STAM2: variants seen among roughly 807,000 people sequenced by gnomAD.
STAM2 encodes the protein signal transducing adaptor molecule 2.
In STAM2, 51 loss-of-function variants were observed where a neutral mutation model predicts 65.6. The ratio of observed to expected loss-of-function variants is 0.78; its 90% CI spans 0.62 to 0.98. The LOEUF is 0.98. Ranked by LOEUF, STAM2 falls within the 50% of genes least tolerant of loss-of-function variation. The pLI is 0.00. For missense variants in STAM2, 584 were observed against 617.8 expected, an observed-to-expected ratio of 0.95 and a Z score of 0.58; for synonymous variants, 198 against 208.4, an observed-to-expected ratio of 0.95 and a Z score of 0.43.
chr2:152,173,644 G>T (rs1327491271), intron 1 of STAM2, among the ~76,000 whole-genome samples: 1 of 151,952 alleles, frequency 6.6e-6, no homozygotes, highest in East Asian at 1.9e-4. Context: ...TGATTTACCC[G>T]CCTCGGCCTC....
chr2:152,122,702 T>C (rs1688878702), intron 13 of STAM2, among the ~76,000 whole-genome samples: 1 of 152,098 alleles, frequency 6.6e-6, no homozygotes, highest in African/African-American at 2.4e-5. Flanking sequence ...ACATTTTGTA[T>C]GGTTAAGCAA....
Position 152,135,605 on chromosome 2 carries a change from T to C in STAM2, c.705-2A>G. 1 of 1,592,828 alleles carries C rather than the reference T, an allele frequency of 6.3e-7. No homozygotes were observed. Among genetic ancestry groups the C allele is most frequent in the Non-Finnish European group, 8.6e-7 (1 of 1,165,424 alleles). Reference sequence around the variant, plus strand: ...TCTCCTTTCCACCAATTGGCATCACTAAAAATACAGTGCAAAAAATATCAT... The same window carrying C: ...TCTCCTTTCCACCAATTGGCATCACCAAAAATACAGTGCAAAAAATATCAT... On this transcript the variant is annotated splice_acceptor_variant, in intron 7 of 13. Transcript: ENST00000263904. LOFTEE classifies it high-confidence loss of function.
chr2:152,140,045 T>A (rs536021764), intron 7 of STAM2, among the ~76,000 whole-genome samples: 3 of 152,200 alleles, frequency 2.0e-5, no homozygotes, highest in Non-Finnish European at 4.4e-5. Context: ...ACAGGGGTTC[T>A]GGAACCAACT....
At chr2:152,121,977 G>A (rs1053660698) in intron 13 of STAM2, among the ~76,000 whole-genome samples, 4 of 151,880 alleles carry the variant, frequency 2.6e-5, no homozygotes, top group Non-Finnish European at 5.9e-5. Flanking sequence ...GAACCCGGGA[G>A]GTGGGGCTTG....
chr2:152,144,792 C>T (rs1689308876), intron 6 of STAM2, 96 bp downstream of exon 6: 1 of 993,296 alleles, frequency 1.0e-6, no homozygotes, highest in South Asian at 1.3e-5. Context: ...CCACTTCGGC[C>T]TCCCAAAGTG....
chr2:152,131,040 T>C (rs1266598046), intron 11 of STAM2, among the ~76,000 whole-genome samples: 1 of 148,016 alleles, frequency 6.8e-6, no homozygotes. Context: ...CTATGTAGGA[T>C]AAAATTAAAA....
chr2:152,169,074 CT>C (rs1356245556), intron 1 of STAM2, among the ~76,000 whole-genome samples: 1 of 151,886 alleles, frequency 6.6e-6, no homozygotes, highest in Non-Finnish European at 1.5e-5. Flanking sequence ...TGAAGCCTTT[CT>C]TAAGAAAAAT....
chr2:152,160,540 C>T (rs1469231814), intron 1 of STAM2, among the ~76,000 whole-genome samples: 3 of 151,920 alleles, frequency 2.0e-5, no homozygotes, highest in Non-Finnish European at 4.4e-5. Flanking sequence ...CGGCAGCCAC[C>T]GCGTCCGGGA....
chr2:152,127,664 A>G (rs560205677), intron 11 of STAM2, among the ~76,000 whole-genome samples: 229 of 152,182 alleles, frequency 1.5e-3, no homozygotes, highest in Non-Finnish European at 2.7e-3. Context: ...TGTAAGTAAG[A>G]CTAATCTCTA....
chr2:152,134,576 G>T (rs1443073363), intron 8 of STAM2, among the ~76,000 whole-genome samples: 2 of 152,098 alleles, frequency 1.3e-5, no homozygotes, highest in African/African-American at 2.4e-5. Context: ...TCCTGAACTG[G>T]CAAGGACTAG....
intron 2 of STAM2, among the ~76,000 whole-genome samples, chr2:152,149,884 AT>A (rs1001664081): frequency 5.3e-5 from 8 of 152,324 alleles, no homozygotes; most frequent in South Asian, 2.1e-4. Context: ...AATATACTGT[AT>A]TCTTACAATA....
At chr2:152,132,050 G>T in intron 11 of STAM2, 64 bp downstream of exon 11, 1 of 1,231,318 alleles carries the variant, frequency 8.1e-7, no homozygotes, top group Non-Finnish European at 1.2e-6. Flanking sequence ...CTACTTTACT[G>T]TTTGCCAAAA....
intron 1 of STAM2, among the ~76,000 whole-genome samples, chr2:152,160,970 C>T (rs1294680034): frequency 1.6e-4 from 25 of 152,290 alleles, no homozygotes; most frequent in Admixed American, 1.2e-3. Context: ...AGCCCCTCTG[C>T]CCGGCCACCA....
At chr2:152,148,154 G>A (rs750742852) in intron 3 of STAM2, 32 bp from the exon 4 acceptor site, 2 of 1,587,154 alleles carry the variant, frequency 1.3e-6, no homozygotes, top group Non-Finnish European at 1.7e-6. Flanking sequence ...TATGAATATT[G>A]AAATATTAAC....
chr2:152,156,126 C>G (rs1689540983), intron 1 of STAM2, among the ~76,000 whole-genome samples: 1 of 152,168 alleles, frequency 6.6e-6, no homozygotes, highest in African/African-American at 2.4e-5. Flanking sequence ...TGAAGCCTAT[C>G]TCATGCCTTC....
intron 6 of STAM2, among the ~76,000 whole-genome samples, 153 bp from the exon 7 acceptor site, chr2:152,144,166 G>A (rs1689299311): frequency 6.6e-6 from 1 of 152,048 alleles, no homozygotes; most frequent in African/African-American, 2.4e-5. Context: ...GGCAGGGCAG[G>A]GAACCATGAC....
At chr2:152,122,057 A>AT (rs1216653208) in intron 13 of STAM2, among the ~76,000 whole-genome samples, 155 of 131,758 alleles carry the variant, frequency 1.2e-3, no homozygotes, top group African/African-American at 3.9e-3. Context: ...CCAAAAAAAA[A>AT]ATATATATAT....
At chr2:152,148,412 G>A in intron 2 of STAM2, 112 bp from the exon 3 acceptor site, 3 of 872,310 alleles carry the variant, frequency 3.4e-6, no homozygotes, top group Non-Finnish European at 5.1e-6. Context: ...GCTCATGCCT[G>A]TAATTCCAAC....
At position 152,174,243 on chromosome 2, in the gene STAM2, C is replaced by T. The variant is rs143264840; in HGVS notation, c.40+1360G>A. Among the ~76,000 whole-genome samples, 1,159 of 152,180 alleles carry T rather than the reference C, an allele frequency of 7.6e-3. 16 individuals carry two copies. Among genetic ancestry groups the T allele is most frequent in the African/African-American group, 0.026 (1,084 of 41,514 alleles). On this transcript the variant is annotated intron_variant, in intron 1 of 13. Coordinates refer to ENST00000263904, the MANE Select transcript of STAM2 (RefSeq NM_005843.6). Reference sequence around the variant, plus strand: ...AAATCATTTGTCTAATTCTATTTTGCGCCTTCTGTTTTATTTCATTAGAAC... The same window carrying T: ...AAATCATTTGTCTAATTCTATTTTGTGCCTTCTGTTTTATTTCATTAGAAC...
Sources: allele counts gnomAD v4.1 joint callset (sites outside exome capture counted in the v4.1 genomes callset), GRCh38; gene constraint gnomAD v4.1.1; transcripts MANE v1.5; gene names NCBI Gene and HGNC (gene_info 2026-07-23, HGNC 2026-07-21).